The following RFC3 variants were observed in gnomAD, a reference collection of about 807,000 sequenced individuals.
The protein encoded by RFC3 is replication factor C subunit 3, also known as A1 38 kDa subunit.
In RFC3, 41 loss-of-function variants were observed where a neutral mutation model predicts 45.1. That is an observed-to-expected ratio of 0.91 (90% confidence interval 0.71 to 1.18). The LOEUF is 1.18. Ranked by LOEUF, RFC3 falls within the 50% of genes most tolerant of loss-of-function variation. The pLI is 0.00. For missense variants in RFC3, 423 were observed against 428.1 expected, an observed-to-expected ratio of 0.99 and a Z score of 0.10; for synonymous variants, 149 against 144.0, an observed-to-expected ratio of 1.03 and a Z score of -0.25.
chr13:33,934,628 A>G (rs1367446467), intron 8 of RFC3, among the ~76,000 whole-genome samples: 1 of 152,052 alleles, frequency 6.6e-6, no homozygotes, highest in East Asian at 1.9e-4. Flanking sequence ...CTTGGTCTTT[A>G]TGGTCAATGC....
At position 33,851,817 on chromosome 13, in the gene RFC3, TTGTC is replaced by T. The variant is rs374081899; in HGVS notation, c.879+16603_879+16606del. Among the ~76,000 whole-genome samples, 21 of 152,324 alleles carry T rather than the reference TTGTC, an allele frequency of 1.4e-4. No homozygotes were observed. In the South Asian group the frequency reaches 1.9e-3, roughly 14 times the overall value. On this transcript the variant is annotated intron_variant, in intron 8 of 8. Coordinates refer to the RFC3 transcript ENST00000434425. Reference sequence around the variant, plus strand: ...TGCAGTTGGCTCGTTAGGAAACTATTTGTCTGGGAATAATCTGGTCTACAATCTT... The same window carrying T: ...TGCAGTTGGCTCGTTAGGAAACTATTTGGGAATAATCTGGTCTACAATCTT...
intron 8 of RFC3, among the ~76,000 whole-genome samples, chr13:33,900,137 C>G (rs2082630460): frequency 6.6e-6 from 1 of 151,914 alleles, no homozygotes; most frequent in Non-Finnish European, 1.5e-5. Flanking sequence ...CAATCCCTAT[C>G]AAAACGCCAA....
chr13:33,966,334 A>T, exon 9 of RFC3: 4 of 594,968 alleles, frequency 6.7e-6, no homozygotes, highest in Non-Finnish European at 1.2e-5. Context: ...CATCCACAAA[A>T]CCCTCTGCTT....
intron 3 of RFC3, among the ~76,000 whole-genome samples, chr13:33,824,745 A>G (rs1202574910): frequency 1.3e-5 from 2 of 152,190 alleles, no homozygotes; most frequent in Non-Finnish European, 2.9e-5. Context: ...AGTAGCAGGC[A>G]CTTTGTGAGA....
intron 2 of RFC3, 85 bp from the exon 3 acceptor site, chr13:33,823,832 A>G (rs1340292178): frequency 4.4e-6 from 3 of 678,568 alleles, no homozygotes; most frequent in Non-Finnish European, 7.4e-6. Context: ...ACTTTGTGTA[A>G]TAAAAGGAAA....
Position 33,829,841 on chromosome 13 carries a change from T to C in RFC3, c.397T>C (p.Leu133=). ...TTTGTTTCTCTTTGACTCAGTGGTA[T>C]TATTGACAGAAGTTGACAAACTCAC... ...TNSQRDFKVV[L]LTEVDKLTKD... is the part of the protein sequence containing the mutation. Residue 133 remains leucine, a synonymous_variant, in exon 5 of 9, where the codon TTA becomes CTA. Transcript: ENST00000380071. The C allele has an allele frequency of 6.2e-7, 1 of 1,613,718 alleles. No homozygotes were observed. The highest frequency in any genetic ancestry group is 8.5e-7 in the Non-Finnish European group (1 of 1,179,598).
chr13:33,871,510 G>A (rs2082409607), intron 8 of RFC3, among the ~76,000 whole-genome samples: 1 of 152,062 alleles, frequency 6.6e-6, no homozygotes, highest in South Asian at 2.1e-4. Flanking sequence ...GATGACATTG[G>A]CCACAGCCAG....
At chr13:33,972,653 A>G in the RFC3 span, among the ~76,000 whole-genome samples, 1 of 152,202 alleles carries the variant, frequency 6.6e-6, no homozygotes, top group African/African-American at 2.4e-5. Context: ...TGCAAGATTC[A>G]TAATAAAATT....
intron 7 of RFC3, among the ~76,000 whole-genome samples, chr13:33,832,943 T>C (rs1280719425): frequency 1.3e-5 from 2 of 152,236 alleles, no homozygotes; most frequent in African/African-American, 4.8e-5. Context: ...TTAATTCTTC[T>C]AGCTGCTGTT....
At chr13:33,855,079 T>A (rs1229015439) in intron 8 of RFC3, among the ~76,000 whole-genome samples, 1 of 152,110 alleles carries the variant, frequency 6.6e-6, no homozygotes, top group Non-Finnish European at 1.5e-5. Context: ...CTAAAAGGGA[T>A]GGTAATATAC....
chr13:33,873,399 C>T (rs895894923), intron 8 of RFC3, among the ~76,000 whole-genome samples: 2 of 152,166 alleles, frequency 1.3e-5, no homozygotes, highest in Non-Finnish European at 1.5e-5. Context: ...TATTTCAAAG[C>T]GCCTGTTTTT....
At chr13:33,946,768 A>G (rs893509376) in intron 8 of RFC3, among the ~76,000 whole-genome samples, 3 of 152,350 alleles carry the variant, frequency 2.0e-5, no homozygotes, top group Non-Finnish European at 4.4e-5. Flanking sequence ...AATAGTCTTT[A>G]TAGATATTAT....
chr13:33,902,232 TA>T (rs1484492961), intron 8 of RFC3, among the ~76,000 whole-genome samples: 4 of 152,094 alleles, frequency 2.6e-5, no homozygotes, highest in African/African-American at 7.2e-5. Flanking sequence ...TGTTCAAGCA[TA>T]ACGCTGACCC....
chr13:33,880,836 T>C (rs2082478361), intron 8 of RFC3, among the ~76,000 whole-genome samples: 1 of 152,118 alleles, frequency 6.6e-6, no homozygotes, highest in African/African-American at 2.4e-5. Flanking sequence ...GGTGGGCAGA[T>C]CACAAGGTCA....
chr13:33,891,290 C>A lies in RFC3; in HGVS notation c.879+56073C>A, dbSNP rs1198222878. Among the ~76,000 whole-genome samples the A allele has an allele frequency of 4.3e-4, 65 of 152,090 alleles. 1 individual carries two copies. Among genetic ancestry groups the A allele is most frequent in the Admixed American group, 4.3e-3 (65 of 15,266 alleles). On this transcript the variant is annotated intron_variant, in intron 8 of 8. Coordinates refer to the RFC3 transcript ENST00000434425. ...CTAATAATAGAAGCAACTCTACCAA[C>A]CTTGGTTTTAATGCATTCTTTTTAT...
downstream of RFC3, among the ~76,000 whole-genome samples, chr13:33,840,789 A>C (rs1174805187): frequency 6.6e-6 from 1 of 152,172 alleles, no homozygotes; most frequent in Non-Finnish European, 1.5e-5. Flanking sequence ...AATTTTAAAA[A>C]GGTACATCAT....
At chr13:33,932,538 G>A (rs2082859241) in intron 8 of RFC3, among the ~76,000 whole-genome samples, 1 of 151,918 alleles carries the variant, frequency 6.6e-6, no homozygotes, top group African/African-American at 2.4e-5. Flanking sequence ...GAATTTTTTG[G>A]AATGCTTTTT....
chr13:33,953,271 C>T (rs1190517289), intron 8 of RFC3, among the ~76,000 whole-genome samples: 2 of 141,186 alleles, frequency 1.4e-5, no homozygotes, highest in Non-Finnish European at 1.5e-5. Context: ...CTAGGCTGGA[C>T]TTTGAGAAAT....
chr13:33,850,849 T>A (rs2137503543), intron 8 of RFC3: 1 of 152,280 alleles, frequency 6.6e-6, no homozygotes, highest in Non-Finnish European at 1.5e-5. Context: ...CACAACTTTT[T>A]TTTAATTTTG....
Sources: allele counts gnomAD v4.1 joint callset (sites outside exome capture counted in the v4.1 genomes callset), GRCh38; gene constraint gnomAD v4.1.1; transcripts MANE v1.5; gene names NCBI Gene and HGNC (gene_info 2026-07-23, HGNC 2026-07-21).